Variants in RNF217 observed in about 807,000 individuals in gnomAD.
RNF217 encodes E3 ubiquitin-protein ligase RNF217.
A neutral mutation model predicts 57.8 loss-of-function variants in RNF217; 31 were observed. That is an observed-to-expected ratio of 0.54 (90% CI 0.40 to 0.72). RNF217 has a LOEUF of 0.72. RNF217 is among the 30% of genes least tolerant of loss of function. RNF217 has a pLI of 0.00. For synonymous variants in RNF217, 313 were observed against 294.0 expected (o/e 1.06, Z -0.66); for missense variants, 696 against 708.3 (o/e 0.98, Z 0.20).
chr6:125,003,922 A>C (rs970291130), intron 1 of RNF217, among the ~76,000 whole-genome samples: 2 of 152,218 alleles, frequency 1.3e-5, no homozygotes, highest in South Asian at 2.1e-4. Flanking sequence ...TATTATGGGA[A>C]CTCAGAACTA....
chr6:125,017,290 C>T (rs1785649002), intron 1 of RNF217, among the ~76,000 whole-genome samples: 1 of 152,060 alleles, frequency 6.6e-6, no homozygotes, highest in Non-Finnish European at 1.5e-5. Context: ...AGTTATACAC[C>T]ATATTGTATT....
intron 1 of RNF217, among the ~76,000 whole-genome samples, chr6:124,996,307 A>G (rs1784750349): frequency 6.6e-6 from 1 of 151,964 alleles, no homozygotes; most frequent in Non-Finnish European, 1.5e-5. Context: ...TTTAATTTTG[A>G]AGATTTTTTT....
chr6:125,008,028 G>A (rs550428630), intron 1 of RNF217, among the ~76,000 whole-genome samples: 12 of 152,110 alleles, frequency 7.9e-5, no homozygotes, highest in South Asian at 2.1e-4. Context: ...AGGCCGAGGC[G>A]GGTGGATCAC....
intron 1 of RNF217, among the ~76,000 whole-genome samples, chr6:125,018,197 A>G (rs1785685749): frequency 6.6e-6 from 1 of 152,174 alleles, no homozygotes; most frequent in African/African-American, 2.4e-5. Flanking sequence ...CCACTGTTTT[A>G]TATCTGTATC....
In RNF217 at chr6:124,983,523, T is replaced by C. The variant is rs545384694; in HGVS notation, c.882+20097T>C. 1.7e-5 allele frequency: 17 copies of C among 979,150 alleles called. No homozygotes were observed. In the East Asian group the frequency reaches 1.7e-3, roughly 98 times the overall value. 60.7% of individuals were successfully genotyped at this position (979,150 alleles called of 1,614,324 possible). ...ACCTTACAGGTTATATAATTAAAGG[T>C]AGATACTAAATACTGAAACTAATAC... On this transcript the variant is annotated intron_variant, in intron 1 of 5. Coordinates refer to ENST00000521654, the MANE Select transcript of RNF217 (RefSeq NM_001286398.3).
chr6:125,059,095 A>G (rs564771062), intron 3 of RNF217, among the ~76,000 whole-genome samples: 3 of 152,326 alleles, frequency 2.0e-5, no homozygotes, highest in Admixed American at 6.5e-5. Flanking sequence ...TAATAAATGT[A>G]CAGATTTACT....
chr6:125,065,898 C>T (rs547105729), intron 3 of RNF217, among the ~76,000 whole-genome samples: 1 of 152,188 alleles, frequency 6.6e-6, no homozygotes, highest in African/African-American at 2.4e-5. Flanking sequence ...TACTCAACAT[C>T]TTCAACCGGA....
chr6:124,986,364 G>A (rs565852051), intron 1 of RNF217, among the ~76,000 whole-genome samples: 2 of 152,174 alleles, frequency 1.3e-5, no homozygotes, highest in Non-Finnish European at 2.9e-5. Context: ...GCAACCATCA[G>A]GCAACAGACT....
chr6:124,974,684 A>C (rs1328719628), intron 1 of RNF217, among the ~76,000 whole-genome samples: 7 of 152,216 alleles, frequency 4.6e-5, no homozygotes, highest in Non-Finnish European at 1.5e-5. Flanking sequence ...AGTTCATGTA[A>C]CAGATTATTT....
chr6:125,051,120 G>T (rs1787297736), intron 2 of RNF217, among the ~76,000 whole-genome samples: 2 of 151,782 alleles, frequency 1.3e-5, no homozygotes, highest in South Asian at 2.1e-4. Context: ...ATTTTTAGAG[G>T]TTTTTAACTT....
chr6:125,020,612 G>A (rs1785799516), intron 1 of RNF217, among the ~76,000 whole-genome samples: 1 of 151,870 alleles, frequency 6.6e-6, no homozygotes, highest in Admixed American at 6.6e-5. Context: ...TACTGCAGCT[G>A]GGCTGCCAAG....
intron 1 of RNF217, among the ~76,000 whole-genome samples, chr6:125,000,827 T>C (rs548355743): frequency 1.3e-5 from 2 of 152,238 alleles, no homozygotes; most frequent in South Asian, 2.1e-4. Flanking sequence ...TAAAAAGATT[T>C]CTTTAAAAAT....
intron 1 of RNF217, among the ~76,000 whole-genome samples, chr6:124,985,571 A>G (rs1442946818): frequency 1.3e-5 from 2 of 152,208 alleles, no homozygotes; most frequent in African/African-American, 2.4e-5. Flanking sequence ...ATCTCTACAT[A>G]TTAACATGAT....
At position 124,962,797 on chromosome 6, in the gene RNF217, G is replaced by A; in HGVS notation, c.253G>A (p.Ala85Thr). 1 of 1,597,378 alleles carries A rather than the reference G, an allele frequency of 6.3e-7. No individual in the cohort carries two copies. The highest frequency in any genetic ancestry group is 8.5e-7 in the Non-Finnish European group (1 of 1,179,576). The change falls in exon 1 of 6, where the codon GCG (alanine) becomes ACG (threonine). Residue 85 changes from alanine (A) to threonine (T), a missense_variant. Coordinates refer to ENST00000521654, the MANE Select transcript of RNF217 (RefSeq NM_001286398.3). The surrounding 1 kb of genome is among the most constrained non-coding windows in gnomAD (Gnocchi z 4.6). ...GGGCTGGAGTAAGAGCCGAGCACCG[G>A]CGCAGCCTGCGGGACTGGCACTCAC... is the stretch of plus-strand genomic sequence containing the variant. ...PPGWSKSRAP[A>T]QPAGLALTGP...
chr6:125,068,115 G>T (rs550052246), intron 3 of RNF217, among the ~76,000 whole-genome samples: 63 of 152,078 alleles, frequency 4.1e-4, no homozygotes, highest in Non-Finnish European at 7.9e-4. Context: ...TGTTGGTACT[G>T]TGCACAGCTC....
intron 3 of RNF217, among the ~76,000 whole-genome samples, chr6:125,066,851 C>A (rs1046187893): frequency 1.9e-4 from 29 of 152,158 alleles, no homozygotes; most frequent in Non-Finnish European, 3.7e-4. Flanking sequence ...TATACTTTTT[C>A]ATTCTACCTT....
intron 1 of RNF217, chr6:125,006,023 G>A (rs1179221818): frequency 1.3e-5 from 2 of 152,124 alleles, no homozygotes; most frequent in African/African-American, 4.8e-5. Context: ...TAGTTTTTGA[G>A]GCACGCTGCC....
intron 3 of RNF217, among the ~76,000 whole-genome samples, chr6:125,069,086 A>G (rs1788041941): frequency 6.6e-6 from 1 of 152,134 alleles, no homozygotes; most frequent in Non-Finnish European, 1.5e-5. Flanking sequence ...CCTGAGGAAT[A>G]AGATTTGGAC....
At chr6:125,026,402 G>A (rs1174483597) in intron 1 of RNF217, among the ~76,000 whole-genome samples, 2 of 152,144 alleles carry the variant, frequency 1.3e-5, no homozygotes. Flanking sequence ...GCTTAGAATA[G>A]TGCCTGGCAC....
Sources: gnomAD v4.1 joint callset for allele counts (sites outside exome capture counted in the v4.1 genomes callset) on GRCh38, gnomAD v4.1.1 for gene constraint, Gnocchi (gnomAD v3.1) non-coding constraint, MANE v1.5 for transcripts, NCBI Gene and HGNC (gene_info 2026-07-23, HGNC 2026-07-21) for gene names.